CDH12: variants seen among roughly 807,000 people sequenced by gnomAD.
CDH12 encodes the protein cadherin 12, also known as cadherin-12.
CDH12 carries 41 observed loss-of-function variants against 74.1 expected under a neutral mutation model. That is an observed-to-expected ratio of 0.55 (90% CI 0.43 to 0.72). The LOEUF (loss-of-function observed/expected upper bound fraction) is 0.72. Ranked by LOEUF, CDH12 falls within the 30% of genes least tolerant of loss-of-function variation. The probability of loss-of-function intolerance (pLI) is 0.00; values close to 1 mark genes in which losing one functional copy is unlikely to be tolerated. For missense variants in CDH12, 945 were observed against 977.2 expected (o/e 0.97, Z 0.44); for synonymous variants, 399 against 355.0 (o/e 1.12, Z -1.39).
intron 1 of CDH12, among the ~76,000 whole-genome samples, chr5:22,630,980 G>T (rs1738554478): frequency 6.6e-6 from 1 of 152,056 alleles, no homozygotes; most frequent in Non-Finnish European, 1.5e-5. Context: ...TGGGAAAAGT[G>T]CATGGACAGA....
At chr5:22,779,577 C>T (rs1354842828) in intron 1 of CDH12, among the ~76,000 whole-genome samples, 1 of 152,144 alleles carries the variant, frequency 6.6e-6, no homozygotes, top group Non-Finnish European at 1.5e-5. Context: ...ATCCCCACAT[C>T]GAGGGAGGGA....
At chr5:21,959,922 C>T (rs1756276880) in intron 6 of CDH12, among the ~76,000 whole-genome samples, 1 of 96,166 alleles carries the variant, frequency 1.0e-5, no homozygotes, top group Non-Finnish European at 1.8e-5. Context: ...GAGGCTCCAT[C>T]TCAAAAAAAA....
At chr5:22,125,467 T>C (rs1307253161) in intron 4 of CDH12, among the ~76,000 whole-genome samples, 1 of 152,204 alleles carries the variant, frequency 6.6e-6, no homozygotes, top group Non-Finnish European at 1.5e-5. Context: ...TGCATAGTAT[T>C]CCATGGTATA....
intron 3 of CDH12, among the ~76,000 whole-genome samples, chr5:22,310,021 G>T (rs1738312978): frequency 6.7e-6 from 1 of 150,182 alleles, no homozygotes; most frequent in Non-Finnish European, 1.5e-5. Context: ...GCTGCGGGAG[G>T]GATAGAATTA....
intron 1 of CDH12, among the ~76,000 whole-genome samples, chr5:22,622,831 T>C (rs1365605859): frequency 1.3e-5 from 2 of 152,166 alleles, no homozygotes; most frequent in Non-Finnish European, 2.9e-5. Context: ...GAGGCCAGCA[T>C]CATCCTGATA....
At chr5:21,861,615 C>A (rs1418286418) in intron 6 of CDH12, among the ~76,000 whole-genome samples, 2 of 151,972 alleles carry the variant, frequency 1.3e-5, no homozygotes, top group Non-Finnish European at 2.9e-5. Flanking sequence ...AATTTTTAAC[C>A]AATTTCCTTT....
chr5:22,647,219 T>A (rs142368708), intron 1 of CDH12, among the ~76,000 whole-genome samples: 2 of 151,926 alleles, frequency 1.3e-5, no homozygotes, highest in African/African-American at 4.8e-5. Flanking sequence ...CTTCTCTGTA[T>A]CTCAGGTTCT....
intron 1 of CDH12, among the ~76,000 whole-genome samples, chr5:22,522,222 T>C (rs569679483): frequency 2.7e-4 from 41 of 152,316 alleles, no homozygotes; most frequent in African/African-American, 9.4e-4. Flanking sequence ...CATATTATGT[T>C]GGCCCTAATG....
At chr5:22,457,681 C>T (rs1393095643) in intron 2 of CDH12, among the ~76,000 whole-genome samples, 1 of 151,576 alleles carries the variant, frequency 6.6e-6, no homozygotes, top group Non-Finnish European at 1.5e-5. Flanking sequence ...CAAGTTCCAG[C>T]AATTCTCCTG....
chr5:22,180,977 A>G (rs928939423), intron 4 of CDH12, among the ~76,000 whole-genome samples: 2 of 152,154 alleles, frequency 1.3e-5, no homozygotes, highest in African/African-American at 2.4e-5. Context: ...TGTATTTGAC[A>G]TTGACTACTT....
chr5:22,470,772 A>G (rs1254460231), intron 2 of CDH12, among the ~76,000 whole-genome samples: 2 of 151,780 alleles, frequency 1.3e-5, no homozygotes, highest in African/African-American at 2.4e-5. Flanking sequence ...GGTAGATATG[A>G]AGCTATAATA....
At chr5:22,759,914 C>T (rs761009528) in intron 1 of CDH12, among the ~76,000 whole-genome samples, 6 of 152,166 alleles carry the variant, frequency 3.9e-5, no homozygotes, top group Non-Finnish European at 7.3e-5. Flanking sequence ...TGGTAGAATT[C>T]CCCTTATCTA....
intron 3 of CDH12, among the ~76,000 whole-genome samples, chr5:22,389,158 A>G (rs1259239377): frequency 2.0e-5 from 3 of 152,192 alleles, no homozygotes; most frequent in African/African-American, 4.8e-5. Flanking sequence ...CTAGGTGGCT[A>G]TCAGTCTCCC....
chr5:22,469,966 T>C, intron 2 of CDH12, among the ~76,000 whole-genome samples: 1 of 152,224 alleles, frequency 6.6e-6, no homozygotes, highest in East Asian at 1.9e-4. Context: ...AGTCTGCATG[T>C]CTTTTTTCTT....
chr5:21,954,618 C>T (rs2150104246), intron 6 of CDH12, among the ~76,000 whole-genome samples: 2 of 152,152 alleles, frequency 1.3e-5, no homozygotes, highest in South Asian at 2.1e-4. Context: ...CTGTGTGTTG[C>T]TTTAAATAAT....
At chr5:22,368,863 C>T (rs1045302711) in intron 3 of CDH12, among the ~76,000 whole-genome samples, 1 of 152,070 alleles carries the variant, frequency 6.6e-6, no homozygotes, top group Non-Finnish European at 1.5e-5. Flanking sequence ...TCGGGTCAGG[C>T]GTGGTGGCTC....
At chr5:22,019,833 G>A (rs977710176) in intron 5 of CDH12, among the ~76,000 whole-genome samples, 1 of 152,186 alleles carries the variant, frequency 6.6e-6, no homozygotes, top group African/African-American at 2.4e-5. Flanking sequence ...TGAGCTCACT[G>A]ATGAGAGGAA....
chr5:21,953,670 A>G (rs1172182235), intron 6 of CDH12, among the ~76,000 whole-genome samples: 5 of 152,170 alleles, frequency 3.3e-5, no homozygotes, highest in Non-Finnish European at 5.9e-5. Flanking sequence ...AACATTTTGT[A>G]GAGATGTAGC....
chr5:22,514,860 A>G (rs1736742964), intron 1 of CDH12, among the ~76,000 whole-genome samples: 1 of 152,204 alleles, frequency 6.6e-6, no homozygotes, highest in Non-Finnish European at 1.5e-5. Flanking sequence ...ACAAGAAATA[A>G]CAAAGACATT....
Sources: gnomAD v4.1 joint callset for allele counts (sites outside exome capture counted in the v4.1 genomes callset) on GRCh38, gnomAD v4.1.1 for gene constraint, MANE v1.5 for transcripts, NCBI Gene and HGNC (gene_info 2026-07-23, HGNC 2026-07-21) for gene names.